TYR: variants seen among roughly 807,000 people sequenced by gnomAD.
TYR encodes tyrosinase.
A neutral mutation model predicts 51.5 loss-of-function variants in TYR; 58 were observed. That is an observed-to-expected ratio of 1.13 (90% CI 0.91 to 1.40). The LOEUF is 1.40. Among genes scored for constraint, TYR ranks in the 40% most tolerant of loss-of-function variants. TYR has a pLI of 0.00. For missense variants in TYR, 732 were observed against 647.4 expected (o/e 1.13, Z -1.42); for synonymous variants, 263 against 235.2 (o/e 1.12, Z -1.08).
chr11:89,245,932 A>G (rs1944262268), intron 3 of TYR, among the ~76,000 whole-genome samples: 1 of 146,218 alleles, frequency 6.8e-6, no homozygotes, highest in African/African-American at 2.5e-5. Flanking sequence ...AAAAAAAAAA[A>G]CAAACAAACA....
At chr11:89,187,140 T>G (rs746085153) in intron 1 of TYR, among the ~76,000 whole-genome samples, 1 of 152,162 alleles carries the variant, frequency 6.6e-6, no homozygotes, top group Non-Finnish European at 1.5e-5. Context: ...CTATTCACTA[T>G]AGACTGAGAC....
At chr11:89,216,592 G>A (rs1043103858) in intron 2 of TYR, among the ~76,000 whole-genome samples, 6 of 141,106 alleles carry the variant, frequency 4.3e-5, no homozygotes, top group Middle Eastern at 4.0e-3. Context: ...GGCAGAGGTC[G>A]CAGTGAGCCG....
intron 3 of TYR, among the ~76,000 whole-genome samples, chr11:89,255,387 A>T (rs1276310037): frequency 6.6e-6 from 1 of 151,542 alleles, no homozygotes; most frequent in African/African-American, 2.4e-5. Context: ...TGTCTTGATG[A>T]CCTGTCTAAT....
intron 3 of TYR, among the ~76,000 whole-genome samples, chr11:89,233,383 A>G (rs1248178988): frequency 7.1e-6 from 1 of 139,928 alleles, no homozygotes; most frequent in Non-Finnish European, 1.5e-5. Context: ...AAAGTCATCT[A>G]TTAGGATTGG....
chr11:89,236,895 G>C (rs1944122498), intron 3 of TYR, among the ~76,000 whole-genome samples: 1 of 152,084 alleles, frequency 6.6e-6, no homozygotes. Context: ...GGTCATGTCT[G>C]TCTATAACTA....
At chr11:89,270,244 A>G (rs1944572711) in intron 3 of TYR, among the ~76,000 whole-genome samples, 1 of 151,800 alleles carries the variant, frequency 6.6e-6, no homozygotes. Flanking sequence ...TCCTACTAGA[A>G]TGCTTTTTTT....
intron 3 of TYR, among the ~76,000 whole-genome samples, chr11:89,255,712 C>T (rs1944382589): frequency 6.6e-6 from 1 of 151,680 alleles, no homozygotes; most frequent in Non-Finnish European, 1.5e-5. Flanking sequence ...ATAATGTCTA[C>T]TTCTTATCCT....
intron 2 of TYR, among the ~76,000 whole-genome samples, chr11:89,218,839 G>C (rs991992753): frequency 6.6e-6 from 1 of 152,168 alleles, no homozygotes; most frequent in Non-Finnish European, 1.5e-5. Context: ...ATTAGCAAGG[G>C]AGATCATGTC....
intron 3 of TYR, among the ~76,000 whole-genome samples, chr11:89,259,306 C>A (rs1944430551): frequency 6.6e-6 from 1 of 151,992 alleles, no homozygotes; most frequent in Non-Finnish European, 1.5e-5. Flanking sequence ...CAAATTCTAC[C>A]CTGTTGTGTA....
chr11:89,213,504 C>T (rs903250726), intron 2 of TYR, among the ~76,000 whole-genome samples: 2 of 152,244 alleles, frequency 1.3e-5, no homozygotes, highest in East Asian at 3.9e-4. Flanking sequence ...TGAAAATGGT[C>T]ATACTGCCCA....
intron 1 of TYR, among the ~76,000 whole-genome samples, chr11:89,187,440 G>A (rs939547358): frequency 6.6e-6 from 1 of 152,106 alleles, no homozygotes; most frequent in Non-Finnish European, 1.5e-5. Flanking sequence ...ATCTTAACAT[G>A]GGGACTTGCA....
chr11:89,270,651 T>C (rs770889850), intron 3 of TYR, among the ~76,000 whole-genome samples: 4 of 151,850 alleles, frequency 2.6e-5, no homozygotes, highest in Non-Finnish European at 5.9e-5. Context: ...AACACTAAAT[T>C]AGTGATTCAT....
intron 1 of TYR, among the ~76,000 whole-genome samples, chr11:89,180,032 G>A (rs903770792): frequency 6.6e-6 from 1 of 152,068 alleles, no homozygotes; most frequent in Non-Finnish European, 1.5e-5. Flanking sequence ...AACCAAGTTT[G>A]TACCCCATCC....
At chr11:89,201,387 C>T (rs1378448639) in intron 2 of TYR, among the ~76,000 whole-genome samples, 1 of 152,082 alleles carries the variant, frequency 6.6e-6, no homozygotes, top group East Asian at 1.9e-4. Flanking sequence ...TTTCAGCTCT[C>T]AACACAAATA....
chr11:89,230,223 C>A (rs372835908), intron 3 of TYR, among the ~76,000 whole-genome samples: 2 of 152,014 alleles, frequency 1.3e-5, no homozygotes, highest in East Asian at 1.9e-4. Context: ...GCCCATAAGT[C>A]AATCCAATAA....
intron 2 of TYR, among the ~76,000 whole-genome samples, chr11:89,222,885 C>G (rs1943930376): frequency 6.6e-6 from 1 of 152,192 alleles, no homozygotes; most frequent in African/African-American, 2.4e-5. Flanking sequence ...ATTTTGGCAT[C>G]TGTGACTAAC....
chr11:89,203,970 T>G (rs1943635422), intron 2 of TYR, among the ~76,000 whole-genome samples: 1 of 152,200 alleles, frequency 6.6e-6, no homozygotes, highest in African/African-American at 2.4e-5. Flanking sequence ...ACAAGGTGCC[T>G]CCTCAATTCC....
intron 1 of TYR, among the ~76,000 whole-genome samples, chr11:89,184,955 T>C (rs1421445266): frequency 6.6e-6 from 1 of 152,208 alleles, no homozygotes; most frequent in Non-Finnish European, 1.5e-5. Context: ...CTATTTGAGA[T>C]GACTACATTT....
At chr11:89,278,343 A>G (rs186425026) in intron 3 of TYR, among the ~76,000 whole-genome samples, 2,284 of 151,712 alleles carry the variant, frequency 0.015, 26 homozygotes, top group Middle Eastern at 0.024. Context: ...GTCTATCTCC[A>G]CCACTAGACT....
Sources: gnomAD v4.1 joint callset for allele counts (sites outside exome capture counted in the v4.1 genomes callset) on GRCh38, gnomAD v4.1.1 for gene constraint, MANE v1.5 for transcripts, NCBI Gene and HGNC (gene_info 2026-07-23, HGNC 2026-07-21) for gene names.